The following PTPRN2 variants were observed in gnomAD, a reference collection of about 807,000 sequenced individuals.
PTPRN2 encodes receptor-type tyrosine-protein phosphatase N2.
In PTPRN2, 74 loss-of-function variants were observed where a neutral mutation model predicts 118.8. The ratio of observed to expected loss-of-function variants is 0.62; its 90% CI spans 0.52 to 0.76. PTPRN2 has a LOEUF of 0.76. Ranked by LOEUF, PTPRN2 falls within the 30% of genes least tolerant of loss-of-function variation. The pLI is 0.00. For missense variants in PTPRN2, 1,481 were observed against 1,394.4 expected, an observed-to-expected ratio of 1.06 and a Z score of -0.99; for synonymous variants, 641 against 608.0, an observed-to-expected ratio of 1.05 and a Z score of -0.80.
Position 158,213,062 on chromosome 7 carries a change from T to C in PTPRN2, c.278-7789A>G, listed in dbSNP as rs541725173. 1.2e-3 allele frequency among the ~76,000 whole-genome samples: 182 copies of C among 152,330 alleles called. 1 individual carries two copies. Among genetic ancestry groups the C allele is most frequent in the African/African-American group, 4.4e-3 (181 of 41,580 alleles). On this transcript the variant is annotated intron_variant, in intron 3 of 22. Transcript: ENST00000389418. Reference sequence around the variant, plus strand: ...TGCAATTTGTACATGTTAGATCTTATGGTAACACTTTAGCACTTAGAACTA... The same window carrying C: ...TGCAATTTGTACATGTTAGATCTTACGGTAACACTTTAGCACTTAGAACTA...
At position 157,614,397 on chromosome 7, in the gene PTPRN2, A is replaced by G. The variant is rs920400739; in HGVS notation, c.2344+6965T>C. 1.4e-4 allele frequency among the ~76,000 whole-genome samples: 22 copies of G among 152,224 alleles called. 1 individual carries two copies. The highest frequency in any genetic ancestry group is 5.1e-4 in the African/African-American group (21 of 41,448). ...GATTGTTTGGAATGGGAAAGTGGTC[A>G]CTAAAAGAACAGCTTTATTAGGTAC... On this transcript the variant is annotated intron_variant, in intron 15 of 22. Transcript: ENST00000389418.
At chr7:157,663,268 G>A (rs546812662) in intron 13 of PTPRN2, among the ~76,000 whole-genome samples, 4 of 152,274 alleles carry the variant, frequency 2.6e-5, no homozygotes, top group East Asian at 1.9e-4. Flanking sequence ...CGTGGAAACC[G>A]TGATGACATC....
chr7:158,369,961 G>T (rs1809832875), intron 2 of PTPRN2, among the ~76,000 whole-genome samples: 1 of 152,204 alleles, frequency 6.6e-6, no homozygotes, highest in South Asian at 2.1e-4. Context: ...GTCTCAGCGG[G>T]CAGGAGGCCC....
chr7:157,792,180 T>G (rs984527067), intron 12 of PTPRN2, among the ~76,000 whole-genome samples: 3 of 152,296 alleles, frequency 2.0e-5, no homozygotes, highest in Non-Finnish European at 4.4e-5. Context: ...CCTCATGGGG[T>G]GGGGCTCGCG....
intron 1 of PTPRN2, among the ~76,000 whole-genome samples, chr7:158,577,604 G>T (rs1462022394): frequency 6.6e-6 from 1 of 152,280 alleles, no homozygotes; most frequent in Admixed American, 6.5e-5. Flanking sequence ...AACACTGTGG[G>T]CTCCTAAGAA....
intron 12 of PTPRN2, among the ~76,000 whole-genome samples, chr7:157,748,021 G>T (rs187836712): frequency 3.8e-3 from 458 of 118,988 alleles, no homozygotes; most frequent in Admixed American, 8.8e-3. Context: ...GTGATTCTGA[G>T]GCCTGCGTCC....
At chr7:157,896,030 A>AC (rs1220380395) in intron 12 of PTPRN2, among the ~76,000 whole-genome samples, 4 of 151,560 alleles carry the variant, frequency 2.6e-5, no homozygotes, top group Admixed American at 6.6e-5. Context: ...CAAAACCCAG[A>AC]CCCCCCGATC....
chr7:158,415,267 CG>C (rs1332209471), intron 2 of PTPRN2, among the ~76,000 whole-genome samples: 2 of 152,336 alleles, frequency 1.3e-5, no homozygotes, highest in East Asian at 3.9e-4. Context: ...TGATGAATGA[CG>C]TCAAACAAAC....
intron 2 of PTPRN2, among the ~76,000 whole-genome samples, chr7:158,352,830 G>A (rs569495241): frequency 2.0e-5 from 3 of 152,208 alleles, no homozygotes; most frequent in Admixed American, 6.5e-5. Context: ...TAGATTTTTC[G>A]AATGGAGACA....
chr7:158,166,841 C>T (rs1252652134), intron 6 of PTPRN2, 90 bp downstream of exon 6: 23 of 1,367,990 alleles, frequency 1.7e-5, no homozygotes, highest in East Asian at 5.3e-5. Context: ...GCAGACCCCA[C>T]GTGTGGGAAG....
intron 1 of PTPRN2, among the ~76,000 whole-genome samples, chr7:158,566,091 A>C (rs986487121): frequency 7.2e-5 from 11 of 152,144 alleles, no homozygotes; most frequent in Non-Finnish European, 1.0e-4. Flanking sequence ...AGTGGCTAAC[A>C]CCTATAATCC....
chr7:158,371,661 G>A (rs1291914287), intron 2 of PTPRN2, among the ~76,000 whole-genome samples: 2 of 152,116 alleles, frequency 1.3e-5, no homozygotes, highest in Non-Finnish European at 2.9e-5. Context: ...CACACACCAA[G>A]TGACCTAGGA....
At position 158,438,001 on chromosome 7, in the gene PTPRN2, C is replaced by T. The variant is rs1180902198; in HGVS notation, c.163+51734G>A. On this transcript the variant is annotated intron_variant, in intron 2 of 22. Coordinates refer to ENST00000389418, the MANE Select transcript of PTPRN2 (RefSeq NM_002847.5). This position sits in a 1 kb window ranked among gnomAD's most constrained non-coding sequence, Gnocchi z 4.7. ...CCTTGCCTGGTTTCTCAGCCTCTTT[C>T]GACAGGAATCACAAATGCCCCCAGG... is the stretch of plus-strand genomic sequence containing the variant. 6.6e-6 allele frequency among the ~76,000 whole-genome samples: 1 copy of T among 152,192 alleles called. No individual in the cohort carries two copies. The highest frequency in any genetic ancestry group is 1.5e-5 in the Non-Finnish European group (1 of 68,042).
intron 16 of PTPRN2, among the ~76,000 whole-genome samples, chr7:157,601,508 C>T (rs1801664881): frequency 1.3e-5 from 2 of 152,296 alleles, no homozygotes; most frequent in East Asian, 3.9e-4. Context: ...CATAAAATTA[C>T]TTCTCCCTCC....
At chr7:158,173,220 C>A (rs1823873762) in intron 5 of PTPRN2, among the ~76,000 whole-genome samples, 1 of 152,232 alleles carries the variant, frequency 6.6e-6, no homozygotes, top group African/African-American at 2.4e-5. Context: ...AGCATCCCCA[C>A]CATCATCACT....
chr7:158,210,131 C>CTTTTTTT (rs869191127), intron 3 of PTPRN2, among the ~76,000 whole-genome samples: 4 of 108,656 alleles, frequency 3.7e-5, no homozygotes, highest in African/African-American at 7.6e-5. Context: ...AATGATGCAT[C>CTTTTTTT]TTTTTTTTTT....
chr7:158,456,483 T>C (rs112213063), intron 2 of PTPRN2, among the ~76,000 whole-genome samples: 1,684 of 93,664 alleles, frequency 0.018, 47 homozygotes, highest in African/African-American at 0.06. Context: ...GGCCCCCCAT[T>C]GCTCTGCAGA....
rs1369023151 is a variant in PTPRN2, at chr7:157,701,556, T to TC, written c.1789-18620dup. On this transcript the variant is annotated intron_variant, in intron 12 of 22. Transcript: ENST00000389418. ...GCCAGGGGGTGTCTGCTCCGGCAGC[T>TC]CCAGATGCACCTTCCAGGGGCGTCT... Among the ~76,000 whole-genome samples, 3 of 152,298 alleles carry TC rather than the reference T, an allele frequency of 2.0e-5. No individual in the cohort carries two copies. In the East Asian group the frequency reaches 5.8e-4, roughly 29 times the overall value.
chr7:158,170,570 C>A (rs1823448018), intron 5 of PTPRN2, among the ~76,000 whole-genome samples: 1 of 152,172 alleles, frequency 6.6e-6, no homozygotes, highest in South Asian at 2.1e-4. Context: ...GTAGTTAGCA[C>A]AAACAACAGA....
Sources: gnomAD v4.1 joint callset for allele counts (sites outside exome capture counted in the v4.1 genomes callset) on GRCh38, gnomAD v4.1.1 for gene constraint, Gnocchi (gnomAD v3.1) non-coding constraint, MANE v1.5 for transcripts, NCBI Gene and HGNC (gene_info 2026-07-23, HGNC 2026-07-21) for gene names.